The following PLAAT1 variants were observed in gnomAD, a reference collection of about 807,000 sequenced individuals.
PLAAT1 encodes phospholipase A and acyltransferase 1.
PLAAT1 carries 13 observed loss-of-function variants against 16.4 expected under a neutral mutation model. The ratio of observed to expected loss-of-function variants is 0.79; its 90% confidence interval spans 0.52 to 1.26. The LOEUF (loss-of-function observed/expected upper bound fraction) is 1.26. Ranked by LOEUF, PLAAT1 falls within the 50% of genes most tolerant of loss-of-function variation. The probability of loss-of-function intolerance (pLI) is 0.00; values close to 1 mark genes in which losing one functional copy is unlikely to be tolerated. For missense variants in PLAAT1, 218 were observed against 207.8 expected, an observed-to-expected ratio of 1.05 and a Z score of -0.30; for synonymous variants, 73 against 78.4, an observed-to-expected ratio of 0.93 and a Z score of 0.36.
rs764947194 is a variant in PLAAT1, at chr3:193,247,693, T to C, written c.-1+6160T>C. On this transcript the variant is annotated intron_variant, in intron 1 of 3. Transcript: ENST00000264735. ...TCCTTTTAATTTTTTATTTGACTCA[T>C]TGGTTGTTGAAGGGCATGTTATTTA... Among the ~76,000 whole-genome samples, 8 of 152,172 alleles carry C rather than the reference T, an allele frequency of 5.3e-5. 1 individual carries two copies. The highest frequency in any genetic ancestry group is 1.0e-4 in the Non-Finnish European group (7 of 68,018).
intron 3 of PLAAT1, among the ~76,000 whole-genome samples, chr3:193,265,140 A>G (rs1336724054): frequency 6.6e-6 from 1 of 152,232 alleles, no homozygotes; most frequent in African/African-American, 2.4e-5. Context: ...TGACTCAGCT[A>G]TTGTAATCCT....
Position 193,263,199 on chromosome 3 carries a change from G to C in PLAAT1, c.369G>C (p.Val123=). 2 of 1,614,166 alleles carry C rather than the reference G, an allele frequency of 1.2e-6. No homozygotes were observed. The highest frequency in any genetic ancestry group is 1.7e-5 in the Admixed American group (1 of 60,026). ...NLLVNNCEHF[V]TLLRYGEGVS... The stretch of plus-strand genomic sequence containing the variant: ...TTGTCAACAACTGTGAACATTTTGT[G>C]ACATTGCTTCGCTATGGAGAAGGAG... Residue 123 remains valine, a synonymous_variant, in exon 3 of 4, where the codon GTG becomes GTC. Transcript: ENST00000264735.
chr3:193,255,008 T>C (rs1716321133), intron 1 of PLAAT1, among the ~76,000 whole-genome samples: 1 of 152,168 alleles, frequency 6.6e-6, no homozygotes, highest in Non-Finnish European at 1.5e-5. Context: ...TTTTGTAATA[T>C]ATGGCATTTT....
chr3:193,274,420 G>T (rs1157983247), downstream of PLAAT1, among the ~76,000 whole-genome samples: 1 of 152,176 alleles, frequency 6.6e-6, no homozygotes, highest in African/African-American at 2.4e-5. Context: ...GGTGGAATTT[G>T]CTTATATATT....
At chr3:193,267,394 AT>A (rs35197069) in intron 3 of PLAAT1, among the ~76,000 whole-genome samples, 60,947 of 149,838 alleles carry the variant, frequency 0.41, 13,314 homozygotes, top group Non-Finnish European at 0.49. Flanking sequence ...ACAACCATTG[AT>A]TTTTTTTTTT....
downstream of PLAAT1, among the ~76,000 whole-genome samples, chr3:193,274,535 G>C (rs1303459262): frequency 6.6e-6 from 1 of 152,124 alleles, no homozygotes; most frequent in Non-Finnish European, 1.5e-5. Flanking sequence ...TTTCCGAAAG[G>C]GTTGAATTTC....
chr3:193,272,731 C>T (rs1717024825), downstream of PLAAT1, among the ~76,000 whole-genome samples: 1 of 152,156 alleles, frequency 6.6e-6, no homozygotes, highest in East Asian at 1.9e-4. Flanking sequence ...TAGATAATGT[C>T]ATAAATGCAC....
chr3:193,262,087 G>A (rs1716604885), intron 2 of PLAAT1, among the ~76,000 whole-genome samples: 1 of 152,156 alleles, frequency 6.6e-6, no homozygotes, highest in African/African-American at 2.4e-5. Flanking sequence ...CAGCAGTTGT[G>A]GGCAGTTTGA....
chr3:193,265,291 A>C (rs1577310483), intron 3 of PLAAT1, among the ~76,000 whole-genome samples: 1 of 152,206 alleles, frequency 6.6e-6, no homozygotes. Context: ...ATACAATGTA[A>C]TATCTTTCAA....
At chr3:193,265,830 A>T (rs1716759756) in intron 3 of PLAAT1, among the ~76,000 whole-genome samples, 1 of 152,170 alleles carries the variant, frequency 6.6e-6, no homozygotes, top group African/African-American at 2.4e-5. Flanking sequence ...GTACACACAA[A>T]TTCCTGCTCA....
At position 193,270,629 on chromosome 3, in the gene PLAAT1, A is replaced by G. The variant is rs1377475275; in HGVS notation, c.431A>G (p.Glu144Gly). 2 of 1,613,532 alleles carry G rather than the reference A, an allele frequency of 1.2e-6. No individual in the cohort carries two copies. Among genetic ancestry groups the G allele is most frequent in the Non-Finnish European group, 1.7e-6 (2 of 1,179,584 alleles). ...EQANRAISTV[E>G]FVTAAVGVFS... ...GCCAACCGAGCGATAAGTACCGTTGAGTTTGTGACAGCTGCTGTTGGTGTC... is the reference window on the plus strand; with the variant it reads ...GCCAACCGAGCGATAAGTACCGTTGGGTTTGTGACAGCTGCTGTTGGTGTC... The change falls in exon 4 of 4, where the codon GAG becomes GGG. Residue 144 changes from glutamate to glycine, a missense_variant. Coordinates refer to ENST00000264735, the MANE Select transcript of PLAAT1 (RefSeq NM_020386.5).
downstream of PLAAT1, among the ~76,000 whole-genome samples, chr3:193,278,051 G>C (rs6769185): frequency 6.6e-6 from 1 of 152,062 alleles, no homozygotes; most frequent in Non-Finnish European, 1.5e-5. Context: ...TGATCCACCC[G>C]CCTTGGCCTC....
At chr3:193,242,205 G>C (rs1374942619) in intron 1 of PLAAT1, among the ~76,000 whole-genome samples, 1 of 151,840 alleles carries the variant, frequency 6.6e-6, no homozygotes, top group Non-Finnish European at 1.5e-5. Flanking sequence ...TGTGGCTCAG[G>C]GAAGCCAAAA....
chr3:193,277,860 C>T (rs1577318686), downstream of PLAAT1: 6 of 152,386 alleles, frequency 3.9e-5, no homozygotes, highest in South Asian at 8.3e-4. Flanking sequence ...GATGGAGTCT[C>T]GCTCTCTCAG....
At chr3:193,245,221 T>C (rs937671661) in intron 1 of PLAAT1, among the ~76,000 whole-genome samples, 17 of 152,212 alleles carry the variant, frequency 1.1e-4, no homozygotes, top group African/African-American at 4.1e-4. Flanking sequence ...CCCTTTAGCC[T>C]CTGGTAATGA....
intron 3 of PLAAT1, among the ~76,000 whole-genome samples, chr3:193,263,482 A>G (rs1010652175): frequency 1.9e-5 from 1 of 52,332 alleles, no homozygotes; most frequent in East Asian, 9.0e-4. Context: ...CATTCTGTCA[A>G]TCTTACTGCC....
At chr3:193,271,745 G>A (rs1170017650), downstream of PLAAT1, among the ~76,000 whole-genome samples, 1 of 152,140 alleles carries the variant, frequency 6.6e-6, no homozygotes, top group Non-Finnish European at 1.5e-5. Context: ...ATATTAGGGG[G>A]TTGATACAGT....
chr3:193,270,556 G>A (rs143301505), intron 3 of PLAAT1, 48 bp from the exon 4 acceptor site: 2 of 1,567,038 alleles, frequency 1.3e-6, no homozygotes, highest in East Asian at 2.3e-5. Context: ...GGACACAGAT[G>A]TCTTTAGAAT....
chr3:193,258,916 TC>T (rs1716483629), intron 2 of PLAAT1, among the ~76,000 whole-genome samples: 1 of 152,088 alleles, frequency 6.6e-6, no homozygotes, highest in African/African-American at 2.4e-5. Context: ...GAAACTAGCA[TC>T]ATCCTGATAC....
Sources: gnomAD v4.1 joint callset for allele counts (sites outside exome capture counted in the v4.1 genomes callset) on GRCh38, gnomAD v4.1.1 for gene constraint, MANE v1.5 for transcripts, NCBI Gene and HGNC (gene_info 2026-07-23, HGNC 2026-07-21) for gene names.